Variants in IL1RAPL1 observed in about 807,000 individuals in gnomAD.
IL1RAPL1 encodes interleukin-1 receptor accessory protein-like 1.
Under a neutral mutation model 48.4 loss-of-function variants are expected in IL1RAPL1, and 3 were observed. The ratio of observed to expected loss-of-function variants is 0.06; its 90% CI spans 0.03 to 0.16. The LOEUF (loss-of-function observed/expected upper bound fraction) is 0.16, where lower values mean the gene tolerates loss of function less well. Among genes scored for constraint, IL1RAPL1 ranks in the 10% least tolerant of loss-of-function variants. IL1RAPL1 has a pLI of 1.00. For synonymous variants in IL1RAPL1, 185 were observed against 187.7 expected (o/e 0.99, Z 0.12); for missense variants, 349 against 530.6 (o/e 0.66, Z 3.36).
intron 6 of IL1RAPL1, among the ~76,000 whole-genome samples, chrX:29,772,946 A>G (rs1453003961): frequency 9.1e-6 from 1 of 109,749 alleles, no homozygotes; most frequent in African/African-American, 3.3e-5. Context: ...TGCCACCTAT[A>G]TAATGATCAT....
intron 2 of IL1RAPL1, among the ~76,000 whole-genome samples, chrX:29,082,135 A>C (rs1054000688): frequency 8.9e-6 from 1 of 112,226 alleles, no homozygotes; most frequent in African/African-American, 3.2e-5. Flanking sequence ...ACAACCATTA[A>C]CATGACCCTT....
At chrX:29,676,929 A>G (rs1926304001) in intron 6 of IL1RAPL1, among the ~76,000 whole-genome samples, 2 of 112,199 alleles carry the variant, frequency 1.8e-5, no homozygotes, top group African/African-American at 6.5e-5. Flanking sequence ...TACAGTCAGT[A>G]TTGTATGTTA....
At chrX:29,925,353 T>C (rs2147242897) in intron 8 of IL1RAPL1, among the ~76,000 whole-genome samples, 1 of 102,740 alleles carries the variant, frequency 9.7e-6, no homozygotes, top group Admixed American at 1.1e-4. Flanking sequence ...GTTTAACAAA[T>C]TCTCTCCTTG....
In IL1RAPL1 at chrX:29,041,877, CCTT is replaced by C. The variant is rs1438556062; in HGVS notation, c.83-241060_83-241058del. On this transcript the variant is annotated intron_variant, in intron 2 of 10. Transcript: ENST00000378993. ...TGTAAAAAGTAGATAATAATATCCT[CCTT>C]ATCGAAAATCAATGAGCTGGAACAA... is the stretch of plus-strand genomic sequence containing the variant. Among the ~76,000 whole-genome samples the C allele has an allele frequency of 2.7e-4, 30 of 111,858 alleles. No homozygotes were observed. The Admixed American group carries it at 2.8e-3, about 10-fold the overall frequency.
chrX:29,622,558 G>A (rs886520339), intron 5 of IL1RAPL1, among the ~76,000 whole-genome samples: 3 of 111,630 alleles, frequency 2.7e-5, no homozygotes, highest in Admixed American at 9.5e-5. Context: ...CAGGGACCTC[G>A]TGCTACATTG....
rs192306462 is a variant in IL1RAPL1 at position 29,623,291 on chromosome X, A to G, written c.704-45139A>G. Among the ~76,000 whole-genome samples the G allele has an allele frequency of 6.9e-3, 760 of 109,988 alleles. 4 individuals are homozygous for G. Among genetic ancestry groups the G allele is most frequent in the Non-Finnish European group, 0.01 (528 of 52,673 alleles). On this transcript the variant is annotated intron_variant, in intron 5 of 10. Transcript: ENST00000378993. Reference sequence around the variant, plus strand: ...ACTGAGACTCCGTCTCAAAAAAAAAAAAAGAAAGAAAGAAAGAAAGAATTC... The same window carrying G: ...ACTGAGACTCCGTCTCAAAAAAAAAGAAAGAAAGAAAGAAAGAAAGAATTC...
At chrX:29,502,262 C>T (rs1935283380) in intron 5 of IL1RAPL1, among the ~76,000 whole-genome samples, 1 of 110,957 alleles carries the variant, frequency 9.0e-6, no homozygotes, top group Admixed American at 9.6e-5. Context: ...ATATTGCTTG[C>T]AAAAAGGCTA....
intron 6 of IL1RAPL1, among the ~76,000 whole-genome samples, chrX:29,824,735 C>T (rs1601841013): frequency 1.8e-5 from 2 of 111,464 alleles, no homozygotes; most frequent in South Asian, 7.5e-4. Flanking sequence ...AAACGCATGA[C>T]CTAGAAAGGA....
intron 2 of IL1RAPL1, among the ~76,000 whole-genome samples, chrX:28,841,947 A>G (rs1921383157): frequency 9.0e-6 from 1 of 111,085 alleles, no homozygotes; most frequent in Non-Finnish European, 1.9e-5. Flanking sequence ...TGATTTATCT[A>G]AATTCTGAGT....
At chrX:28,868,157 C>T (rs1296047317) in intron 2 of IL1RAPL1, among the ~76,000 whole-genome samples, 1 of 111,332 alleles carries the variant, frequency 9.0e-6, no homozygotes, top group African/African-American at 3.3e-5. Context: ...ATCTTAGGGC[C>T]TATTTCCACG....
intron 2 of IL1RAPL1, among the ~76,000 whole-genome samples, chrX:29,040,551 A>T (rs187221262): frequency 1.6e-3 from 175 of 112,299 alleles, no homozygotes; most frequent in African/African-American, 5.5e-3. Context: ...ACCAGCTGCA[A>T]CTAATTGAGT....
intron 5 of IL1RAPL1, among the ~76,000 whole-genome samples, chrX:29,427,005 A>T (rs1244321687): frequency 9.0e-6 from 1 of 111,183 alleles, no homozygotes; most frequent in Non-Finnish European, 1.9e-5. Flanking sequence ...TTTTAAAAAA[A>T]AAAAAAAAAG....
intron 2 of IL1RAPL1, among the ~76,000 whole-genome samples, chrX:28,868,281 A>C (rs1049569370): frequency 8.9e-6 from 1 of 111,778 alleles, no homozygotes; most frequent in African/African-American, 3.3e-5. Flanking sequence ...TTAGTCATTT[A>C]CTAGTTAGTT....
intron 6 of IL1RAPL1, among the ~76,000 whole-genome samples, chrX:29,718,883 T>A (rs1260033831): frequency 8.9e-6 from 1 of 111,772 alleles, no homozygotes; most frequent in African/African-American, 3.3e-5. Flanking sequence ...GCAGAAGTTA[T>A]ACCCCCAAAT....
intron 2 of IL1RAPL1, among the ~76,000 whole-genome samples, chrX:29,007,842 C>A (rs967175806): frequency 2.7e-5 from 3 of 111,990 alleles, no homozygotes; most frequent in African/African-American, 9.7e-5. Context: ...TAGAACATCT[C>A]ACTAATTATG....
intron 3 of IL1RAPL1, among the ~76,000 whole-genome samples, chrX:29,392,233 A>G (rs1013370857): frequency 7.1e-5 from 8 of 112,472 alleles, no homozygotes; most frequent in African/African-American, 2.6e-4. Context: ...TATAAACAAT[A>G]AAAGCTGAGT....
At chrX:29,613,832 C>G (rs1383245663) in intron 5 of IL1RAPL1, among the ~76,000 whole-genome samples, 1 of 99,317 alleles carries the variant, frequency 1.0e-5, no homozygotes, top group Admixed American at 1.1e-4. Flanking sequence ...GGCGCAATCT[C>G]GGCTCACTGC....
In IL1RAPL1 at chrX:28,937,517, GAGA is replaced by G. The variant is rs199952266; in HGVS notation, c.82+148095_82+148097del. On this transcript the variant is annotated intron_variant, in intron 2 of 10. Transcript: ENST00000378993. ...ATTAATGACAGAGTCAGGAAGAGGA[GAGA>G]AGGTGTCTTTTGCATTGCCATAATT... Among the ~76,000 whole-genome samples the G allele has an allele frequency of 6.7e-4, 75 of 111,456 alleles. No homozygotes were observed. The East Asian group carries it at 0.018, about 27-fold the overall frequency.
At chrX:29,708,586 A>G (rs985183808) in intron 6 of IL1RAPL1, among the ~76,000 whole-genome samples, 1 of 111,795 alleles carries the variant, frequency 8.9e-6, no homozygotes, top group African/African-American at 3.2e-5. Context: ...TCCATTGTGT[A>G]TATATACCAC....
Sources: allele counts gnomAD v4.1 joint callset (sites outside exome capture counted in the v4.1 genomes callset), GRCh38; gene constraint gnomAD v4.1.1; transcripts MANE v1.5; gene names NCBI Gene and HGNC (gene_info 2026-07-23, HGNC 2026-07-21).